Variants in MSRA observed in about 807,000 individuals in gnomAD.
MSRA encodes methionine sulfoxide reductase A, also known as mitochondrial peptide methionine sulfoxide reductase.
In MSRA, 54 loss-of-function variants were observed where a neutral mutation model predicts 31.3. The observed-to-expected ratio is 1.73, with a 90% CI of 1.39 to 2.17. The LOEUF (loss-of-function observed/expected upper bound fraction) is 2.17. Among genes scored for constraint, MSRA ranks in the 30% most tolerant of loss-of-function variants. The pLI, the probability that MSRA is intolerant of heterozygous loss-of-function variation, is 0.00. For missense variants in MSRA, 507 were observed against 300.9 expected (o/e 1.69, Z -5.07); for synonymous variants, 169 against 116.5 (o/e 1.45, Z -2.90).
At chr8:10,305,409 CTTTTTTTT>C (rs549346544) in intron 4 of MSRA, among the ~76,000 whole-genome samples, 21,605 of 122,946 alleles carry the variant, frequency 0.18, 1,881 homozygotes, top group African/African-American at 0.25. Flanking sequence ...TGTTTTCTTC[CTTTTTTTT>C]TTTTTTTTTT....
At chr8:10,154,262 C>T (rs1189538211) in intron 1 of MSRA, among the ~76,000 whole-genome samples, 7 of 148,940 alleles carry the variant, frequency 4.7e-5, no homozygotes, top group African/African-American at 5.0e-5. Context: ...ACTTACAGTT[C>T]TTACCAAGGT....
intron 5 of MSRA, among the ~76,000 whole-genome samples, chr8:10,388,560 A>C (rs1260094557): frequency 6.6e-6 from 1 of 152,132 alleles, no homozygotes; most frequent in East Asian, 1.9e-4. Flanking sequence ...AAGATGGGAG[A>C]CATCCGATCT....
intron 5 of MSRA, among the ~76,000 whole-genome samples, chr8:10,414,817 T>C (rs547855831): frequency 6.6e-5 from 10 of 152,326 alleles, no homozygotes; most frequent in African/African-American, 2.4e-4. Context: ...ATGCTAAGCA[T>C]ATAACAAAAA....
chr8:10,115,347 G>C (rs909767249), intron 1 of MSRA, among the ~76,000 whole-genome samples: 5 of 152,210 alleles, frequency 3.3e-5, no homozygotes, highest in Non-Finnish European at 5.9e-5. Context: ...TGAAGACTTG[G>C]ACAGAGCTGG....
intron 1 of MSRA, among the ~76,000 whole-genome samples, chr8:10,141,939 T>G (rs1802747262): frequency 6.6e-6 from 1 of 152,178 alleles, no homozygotes; most frequent in Admixed American, 6.5e-5. Flanking sequence ...CCATCAGTAC[T>G]CTCCCAATTT....
rs1351452998 is a variant in MSRA, at chr8:10,125,994, A to G, written c.142+71336A>G. 2.6e-5 allele frequency among the ~76,000 whole-genome samples: 4 copies of G among 152,332 alleles called. No homozygotes were observed. The South Asian group carries it at 8.3e-4, about 32-fold the overall frequency. On this transcript the variant is annotated intron_variant, in intron 1 of 5. Transcript: ENST00000317173. ...AAGGCACCGAATGTCAGAGTCTCCT[A>G]CAGAACTCAGCCAACTTTTAGGGCA... is the stretch of plus-strand genomic sequence containing the variant.
intron 3 of MSRA, among the ~76,000 whole-genome samples, chr8:10,249,983 A>G (rs984616668): frequency 6.6e-6 from 1 of 152,220 alleles, no homozygotes; most frequent in Non-Finnish European, 1.5e-5. Flanking sequence ...ACCAGGTCCT[A>G]GGGGAAGGTT....
rs115286338 is a variant in MSRA at position 10,259,862 on chromosome 8, C to T, written c.331+14639C>T. Among the ~76,000 whole-genome samples the T allele has an allele frequency of 9.1e-3, 1,388 of 152,320 alleles. 23 individuals are homozygous for T. The highest frequency in any genetic ancestry group is 0.031 in the African/African-American group (1,306 of 41,584). On this transcript the variant is annotated intron_variant, in intron 3 of 5. Transcript: ENST00000317173. ...CCATGGCAGTCGGTGCCACCCAGCT[C>T]GCTGGTGTTCCTGACTCGGGCTCTG...
At chr8:10,279,194 C>T (rs565936049) in intron 3 of MSRA, among the ~76,000 whole-genome samples, 1 of 152,084 alleles carries the variant, frequency 6.6e-6, no homozygotes, top group African/African-American at 2.4e-5. Context: ...TAATTCTTAC[C>T]TTGTTGGGTG....
intron 1 of MSRA, among the ~76,000 whole-genome samples, chr8:10,118,552 A>G (rs933956626): frequency 2.0e-5 from 3 of 152,014 alleles, no homozygotes; most frequent in Non-Finnish European, 4.4e-5. Flanking sequence ...CTAGTACCCA[A>G]CATTCTTCAG....
chr8:10,069,488 C>T (rs1327729183), intron 1 of MSRA, among the ~76,000 whole-genome samples: 1 of 152,204 alleles, frequency 6.6e-6, no homozygotes, highest in Non-Finnish European at 1.5e-5. Flanking sequence ...TTTCTCACAG[C>T]TCCGGAGGCT....
At chr8:10,088,925 T>G (rs898633666) in intron 1 of MSRA, among the ~76,000 whole-genome samples, 1 of 152,146 alleles carries the variant, frequency 6.6e-6, no homozygotes, top group South Asian at 2.1e-4. Flanking sequence ...GAAATATTTT[T>G]AAAAAGATCT....
intron 1 of MSRA, among the ~76,000 whole-genome samples, chr8:10,153,083 G>A (rs777394691): frequency 2.1e-4 from 32 of 152,266 alleles, no homozygotes; most frequent in African/African-American, 5.8e-4. Flanking sequence ...GAGATTGATC[G>A]TACATCAGTG....
At chr8:10,084,937 T>A (rs965671233) in intron 1 of MSRA, among the ~76,000 whole-genome samples, 4 of 152,198 alleles carry the variant, frequency 2.6e-5, no homozygotes, top group Non-Finnish European at 5.9e-5. Flanking sequence ...TTTTTTCAGA[T>A]GAAGCTGGTT....
intron 1 of MSRA, among the ~76,000 whole-genome samples, chr8:10,134,651 C>G (rs1802140293): frequency 6.6e-6 from 1 of 152,212 alleles, no homozygotes; most frequent in Admixed American, 6.5e-5. Context: ...GACTGCACGC[C>G]TCGTATCAGA....
chr8:10,263,423 C>T (rs944239443), intron 3 of MSRA, among the ~76,000 whole-genome samples: 1 of 152,212 alleles, frequency 6.6e-6, no homozygotes, highest in Non-Finnish European at 1.5e-5. Context: ...AAGACTACAT[C>T]ATTCCAGGAA....
At chr8:10,219,264 G>C (rs1026478311) in intron 2 of MSRA, among the ~76,000 whole-genome samples, 1 of 152,194 alleles carries the variant, frequency 6.6e-6, no homozygotes, top group Admixed American at 6.5e-5. Context: ...TCGTGAATGA[G>C]TTTGAGGGTA....
intron 1 of MSRA, among the ~76,000 whole-genome samples, chr8:10,197,138 T>C (rs1331437576): frequency 6.6e-6 from 1 of 152,240 alleles, no homozygotes; most frequent in Non-Finnish European, 1.5e-5. Context: ...TTGTCATTTA[T>C]ATTCTCAAGA....
chr8:10,200,679 C>T (rs1173477261), intron 1 of MSRA, among the ~76,000 whole-genome samples: 1 of 152,198 alleles, frequency 6.6e-6, no homozygotes, highest in Non-Finnish European at 1.5e-5. Context: ...CGTAGCCTCT[C>T]CTGACATATA....
Sources: allele counts gnomAD v4.1 joint callset (sites outside exome capture counted in the v4.1 genomes callset), GRCh38; gene constraint gnomAD v4.1.1; transcripts MANE v1.5; gene names NCBI Gene and HGNC (gene_info 2026-07-23, HGNC 2026-07-21).